Variants in CCDC15 observed in about 807,000 individuals in gnomAD.
The protein encoded by CCDC15 is coiled-coil domain containing 15.
In CCDC15, 105 loss-of-function variants were observed where a neutral mutation model predicts 114.5. That is an observed-to-expected ratio of 0.92 (90% CI 0.78 to 1.08). CCDC15 has a LOEUF of 1.08. Ranked by LOEUF, CCDC15 falls within the 50% of genes least tolerant of loss-of-function variation. The probability of loss-of-function intolerance (pLI) is 0.00; values close to 1 mark genes in which losing one functional copy is unlikely to be tolerated. For synonymous variants in CCDC15, 334 were observed against 377.8 expected, an observed-to-expected ratio of 0.88 and a Z score of 1.34; for missense variants, 1,105 against 1,093.6, an observed-to-expected ratio of 1.01 and a Z score of -0.15.
intron 2 of CCDC15, among the ~76,000 whole-genome samples, chr11:124,957,078 C>G (rs1167777223): frequency 6.6e-6 from 1 of 152,102 alleles, no homozygotes; most frequent in Non-Finnish European, 1.5e-5. Context: ...TTCTGGTTAC[C>G]TTTTGCTGTG....
intron 4 of CCDC15, among the ~76,000 whole-genome samples, chr11:124,962,684 G>A (rs950546005): frequency 4.0e-5 from 6 of 151,330 alleles, no homozygotes; most frequent in African/African-American, 1.5e-4. Context: ...ATTCTAGGGT[G>A]CATGTGCACA....
Position 124,986,771 on chromosome 11 carries a change from G to A in CCDC15, c.783G>A (p.Glu261=), listed in dbSNP as rs563956294. Residue 261 remains glutamate, a synonymous_variant, in exon 7 of 16, where the codon GAG becomes GAA. Transcript: ENST00000344762. ...TTGACTATGAGGAACCTGACTATGA[G>A]GAATCTTCATCTCTTGTAACTGATG... ...QELDYEEPDY[E]ESSSLVTDEK... 1.3e-6 allele frequency: 2 copies of A among 1,549,056 alleles called. No homozygotes were observed. Among genetic ancestry groups the A allele is most frequent in the South Asian group, 2.4e-5 (2 of 83,284 alleles).
chr11:124,956,806 G>T (rs528631915), intron 2 of CCDC15, among the ~76,000 whole-genome samples: 54 of 152,240 alleles, frequency 3.5e-4, no homozygotes, highest in African/African-American at 1.2e-3. Context: ...TCTAGTCTGG[G>T]TATCCACCCT....
At chr11:124,996,861 G>A (rs1948381220) in intron 11 of CCDC15, among the ~76,000 whole-genome samples, 2 of 152,176 alleles carry the variant, frequency 1.3e-5, no homozygotes, top group Non-Finnish European at 2.9e-5. Context: ...TATTATAGGA[G>A]TTACTTCCTT....
At chr11:125,007,893 C>T (rs1427037586) in intron 13 of CCDC15, among the ~76,000 whole-genome samples, 2 of 152,074 alleles carry the variant, frequency 1.3e-5, no homozygotes, top group African/African-American at 2.4e-5. Context: ...GTCCTCAGGT[C>T]GTTTGGTTCT....
chr11:124,986,700 T>C lies in CCDC15; in HGVS notation c.754-42T>C, dbSNP rs866328911. On this transcript the variant is annotated intron_variant, in intron 6 of 15. Coordinates refer to ENST00000344762, the MANE Select transcript of CCDC15 (RefSeq NM_025004.3). ...GTGTGTGTGTGTGTGTTTGTGTGTG[T>C]GCGCGCGCGCGCGTGCGCGTTTTCA... 2.7e-3 allele frequency: 3,668 copies of C among 1,350,488 alleles called. 68 individuals are homozygous for C. Among genetic ancestry groups the C allele is most frequent in the East Asian group, 0.024 (876 of 35,842 alleles). 83.7% of individuals were successfully genotyped at this position (1,350,488 alleles called of 1,614,324 possible). A position where few individuals can be genotyped will look rare whatever the true frequency, so the allele number is the denominator to read the frequency against.
At chr11:124,989,883 T>G (rs1206687932) in intron 8 of CCDC15, among the ~76,000 whole-genome samples, 1 of 152,248 alleles carries the variant, frequency 6.6e-6, no homozygotes, top group Non-Finnish European at 1.5e-5. Flanking sequence ...GTTTGATCTG[T>G]CCATACTGCT....
At chr11:124,990,672 T>C (rs1006963536) in intron 8 of CCDC15, among the ~76,000 whole-genome samples, 1 of 152,242 alleles carries the variant, frequency 6.6e-6, no homozygotes, top group African/African-American at 2.4e-5. Flanking sequence ...ATTTGCTGTT[T>C]CTTTTCTTTT....
At chr11:125,025,117 AGT>A (rs1491186798) in intron 13 of CCDC15, among the ~76,000 whole-genome samples, 29 of 129,670 alleles carry the variant, frequency 2.2e-4, no homozygotes, top group African/African-American at 4.5e-4. Context: ...AATATATGTG[AGT>A]ATATATATGA....
intron 7 of CCDC15, 48 bp from the exon 8 acceptor site, chr11:124,987,079 A>G (rs1948179911): frequency 7.0e-7 from 1 of 1,435,346 alleles, no homozygotes; most frequent in Non-Finnish European, 9.2e-7. Flanking sequence ...AATCTAGAGT[A>G]TTGCTACTAA....
At chr11:125,008,666 T>C (rs998149004) in intron 13 of CCDC15, among the ~76,000 whole-genome samples, 10 of 152,170 alleles carry the variant, frequency 6.6e-5, no homozygotes, top group South Asian at 4.1e-4. Flanking sequence ...TTTTTCAGGT[T>C]GAAGAAGTTC....
chr11:124,983,687 A>G (rs1016836321), intron 6 of CCDC15, among the ~76,000 whole-genome samples: 12 of 152,282 alleles, frequency 7.9e-5, no homozygotes, highest in South Asian at 6.2e-4. Context: ...GCTGGTCACA[A>G]CACACTGATG....
chr11:124,986,677 GT>G (rs1948161183), intron 6 of CCDC15, 64 bp from the exon 7 acceptor site: 1 of 1,373,430 alleles, frequency 7.3e-7, no homozygotes, highest in Admixed American at 2.5e-5. Flanking sequence ...CTGTGTGTGT[GT>G]GTGTGTGTGT....
intron 13 of CCDC15, among the ~76,000 whole-genome samples, chr11:125,037,748 C>A (rs1232395091): frequency 6.6e-6 from 1 of 152,148 alleles, no homozygotes; most frequent in African/African-American, 2.4e-5. Flanking sequence ...ACCATCATTT[C>A]TTGTATTTGT....
Position 125,029,615 on chromosome 11 carries a change from C to T in CCDC15, c.2412-8816C>T, listed in dbSNP as rs374201190. ...GGAAATACTCATGACAGTTACAGTCCTTGTTTCTGCACTGGTCATGTGATT... is the reference window on the plus strand; with the variant it reads ...GGAAATACTCATGACAGTTACAGTCTTTGTTTCTGCACTGGTCATGTGATT... On this transcript the variant is annotated intron_variant, in intron 13 of 15. Coordinates refer to ENST00000344762, the MANE Select transcript of CCDC15 (RefSeq NM_025004.3). Among the ~76,000 whole-genome samples, 4 of 152,148 alleles carry T rather than the reference C, an allele frequency of 2.6e-5. No homozygotes were observed. In the East Asian group the frequency reaches 7.7e-4, roughly 29 times the overall value.
rs1230922581 is a variant in CCDC15 at position 124,987,419 on chromosome 11, T to G, written c.1193T>G (p.Ile398Ser). The G allele has an allele frequency of 6.2e-7, 1 of 1,613,964 alleles. No individual in the cohort carries two copies. The highest frequency in any genetic ancestry group is 1.1e-5 in the South Asian group (1 of 91,082). The change falls in exon 8 of 16, where the codon ATT (isoleucine) becomes AGT (serine). Residue 398 changes from isoleucine to serine, a missense_variant. Ile to Ser is a moderately radical substitution (Grantham distance 142). Coordinates refer to ENST00000344762, the MANE Select transcript of CCDC15 (RefSeq NM_025004.3). ...GGTATTATGCTGAAAGCCCAGAGTA[T>G]TGAGCTAGAAGAAGGGAGTATTGTG... ...TQGIMLKAQS[I>S]ELEEGSIVLK...
At chr11:125,020,471 T>A (rs1476497308) in intron 13 of CCDC15, among the ~76,000 whole-genome samples, 1 of 151,986 alleles carries the variant, frequency 6.6e-6, no homozygotes, top group African/African-American at 2.4e-5. Context: ...AGTTTCCCTG[T>A]GATGTCACCT....
rs902731947 is a variant in CCDC15, at chr11:125,029,648, G to A, written c.2412-8783G>A. On this transcript the variant is annotated intron_variant, in intron 13 of 15. Transcript: ENST00000344762. ...TGCACTGGTCATGTGATTGTAGCTG[G>A]TATGATGACCACATTCTTCTACTAC... Among the ~76,000 whole-genome samples the A allele has an allele frequency of 1.3e-5, 2 of 152,202 alleles. 1 individual carries two copies. The highest frequency in any genetic ancestry group is 1.3e-4 in the Admixed American group (2 of 15,284).
intron 13 of CCDC15, among the ~76,000 whole-genome samples, chr11:125,007,343 T>G (rs1394607041): frequency 6.6e-6 from 1 of 152,238 alleles, no homozygotes; most frequent in Non-Finnish European, 1.5e-5. Flanking sequence ...TTTGTCTTTC[T>G]GTGCCTGGCT....
Sources: allele counts gnomAD v4.1 joint callset (sites outside exome capture counted in the v4.1 genomes callset), GRCh38; gene constraint gnomAD v4.1.1; transcripts MANE v1.5; gene names NCBI Gene and HGNC (gene_info 2026-07-23, HGNC 2026-07-21).